Variants in CYTH3 observed in about 807,000 individuals in gnomAD.
CYTH3 encodes the protein cytohesin-3.
CYTH3 carries 23 observed loss-of-function variants against 55.1 expected under a neutral mutation model. That is an observed-to-expected ratio of 0.42 (90% CI 0.30 to 0.59). The LOEUF (loss-of-function observed/expected upper bound fraction) is 0.59. CYTH3 is among the 20% of genes least tolerant of loss of function. The probability of loss-of-function intolerance (pLI) is 0.20; values close to 1 mark genes in which losing one functional copy is unlikely to be tolerated. For missense variants in CYTH3, 413 were observed against 524.8 expected (o/e 0.79, Z 2.08); for synonymous variants, 249 against 194.9 (o/e 1.28, Z -2.31).
At chr7:6,268,494 G>A (rs962740944) in intron 1 of CYTH3, among the ~76,000 whole-genome samples, 1 of 152,118 alleles carries the variant, frequency 6.6e-6, no homozygotes, top group African/African-American at 2.4e-5. Context: ...AAGATATTTT[G>A]GAGATCTCTC....
intron 1 of CYTH3, among the ~76,000 whole-genome samples, chr7:6,206,589 C>T (rs781302590): frequency 1.3e-5 from 2 of 152,282 alleles, no homozygotes; most frequent in African/African-American, 4.8e-5. Flanking sequence ...GTTCTAGGTA[C>T]GCTCAACATT....
intron 1 of CYTH3, among the ~76,000 whole-genome samples, chr7:6,218,675 G>A (rs78044447): frequency 6.6e-6 from 1 of 152,138 alleles, no homozygotes; most frequent in African/African-American, 2.4e-5. Context: ...AGAAAGCCTA[G>A]ATTGCCTTAA....
intron 1 of CYTH3, among the ~76,000 whole-genome samples, chr7:6,216,131 G>A (rs1267063564): frequency 6.6e-6 from 1 of 152,188 alleles, no homozygotes; most frequent in Non-Finnish European, 1.5e-5. Flanking sequence ...GTAAAAATAT[G>A]TGTAAGTATA....
At chr7:6,173,209 A>T (rs765461481) in intron 6 of CYTH3, 1 of 292,716 alleles carries the variant, frequency 3.4e-6, no homozygotes, top group Non-Finnish European at 5.4e-6. Flanking sequence ...TCAAGGGGGC[A>T]TCCAGGGAGT....
chr7:6,256,355 G>C (rs1234505096), intron 1 of CYTH3, among the ~76,000 whole-genome samples: 1 of 152,220 alleles, frequency 6.6e-6, no homozygotes, highest in Non-Finnish European at 1.5e-5. Flanking sequence ...CAAACCTCAA[G>C]GGGGCTGAAA....
chr7:6,175,904 GTGGTTATT>G (rs1339584556), intron 5 of CYTH3, among the ~76,000 whole-genome samples: 7 of 152,076 alleles, frequency 4.6e-5, no homozygotes, highest in Non-Finnish European at 1.5e-5. Flanking sequence ...TTAGACTGCT[GTGGTTATT>G]TTGGGTCCCT....
chr7:6,241,729 G>T (rs1583189820), intron 1 of CYTH3, among the ~76,000 whole-genome samples: 1 of 152,066 alleles, frequency 6.6e-6, no homozygotes, highest in East Asian at 1.9e-4. Flanking sequence ...AAAGTGGTGG[G>T]GTTGCAGTGG....
At chr7:6,172,076 T>C (rs1237422762) in intron 6 of CYTH3, 1 of 152,674 alleles carries the variant, frequency 6.5e-6, no homozygotes, top group Non-Finnish European at 1.5e-5. Flanking sequence ...CCGCACCAGC[T>C]ATTCAGCAAC....
At chr7:6,203,260 T>C (rs1473453975) in intron 1 of CYTH3, among the ~76,000 whole-genome samples, 1 of 152,146 alleles carries the variant, frequency 6.6e-6, no homozygotes, top group Admixed American at 6.5e-5. Context: ...GGACATAATA[T>C]ACTTCACTGA....
intron 1 of CYTH3, among the ~76,000 whole-genome samples, chr7:6,272,157 G>A (rs986414095): frequency 7.2e-5 from 11 of 152,164 alleles, no homozygotes; most frequent in African/African-American, 2.7e-4. Context: ...CGCCCCGCAA[G>A]GTCCCCCGCC....
Position 6,250,899 on chromosome 7 carries a change from C to T in CYTH3, c.34+21575G>A, listed in dbSNP as rs531406715. On this transcript the variant is annotated intron_variant, in intron 1 of 12. Coordinates refer to ENST00000350796, the MANE Select transcript of CYTH3 (RefSeq NM_004227.4). Reference sequence around the variant, plus strand: ...AATACACTGAAGGTGCACAGTCCCTCGCTCCTGTAATATTTCACTGGATCA... The same window carrying T: ...AATACACTGAAGGTGCACAGTCCCTTGCTCCTGTAATATTTCACTGGATCA... 4.6e-5 allele frequency among the ~76,000 whole-genome samples: 7 copies of T among 152,348 alleles called. No homozygotes were observed. In the South Asian group the frequency reaches 1.2e-3, roughly 27 times the overall value.
intron 1 of CYTH3, among the ~76,000 whole-genome samples, chr7:6,258,790 A>G (rs1780201180): frequency 6.6e-6 from 1 of 152,232 alleles, no homozygotes; most frequent in South Asian, 2.1e-4. Context: ...AAACGAAAAA[A>G]TATTGTTTAA....
intron 1 of CYTH3, among the ~76,000 whole-genome samples, chr7:6,237,703 T>G (rs1779560395): frequency 6.6e-6 from 1 of 151,578 alleles, no homozygotes; most frequent in African/African-American, 2.4e-5. Context: ...AGCAAGACTC[T>G]ATCTAAAAAA....
intron 1 of CYTH3, among the ~76,000 whole-genome samples, chr7:6,248,087 A>G (rs1244891781): frequency 6.6e-6 from 1 of 151,796 alleles, no homozygotes; most frequent in African/African-American, 2.4e-5. Context: ...TTCAATCTGA[A>G]ATTTACTTCT....
At position 6,170,266 on chromosome 7, in the gene CYTH3, T is replaced by C; in HGVS notation, c.823+269A>G. The stretch of plus-strand genomic sequence containing the variant: ...TTCTCGTGCAGGAAGCTGCCCTGGC[T>C]GGATCTGGATGCTAACTCAGCAGTT... On this transcript the variant is annotated intron_variant, in intron 9 of 12. Coordinates refer to ENST00000350796, the MANE Select transcript of CYTH3 (RefSeq NM_004227.4). This position sits in a 1 kb window ranked among gnomAD's most constrained non-coding sequence, Gnocchi z 7.8. 3 of 473,732 alleles carry C rather than the reference T, an allele frequency of 6.3e-6. No homozygotes were observed. Among genetic ancestry groups the C allele is most frequent in the Non-Finnish European group, 1.1e-5 (3 of 267,552 alleles). The allele number at this position is 473,732 out of a possible 1,614,324, so 29.3% of individuals were successfully genotyped here. A position where few individuals can be genotyped will look rare whatever the true frequency, so the allele number is the denominator to read the frequency against.
Position 6,222,703 on chromosome 7 carries a change from C to T in CYTH3, c.35-32172G>A, listed in dbSNP as rs556691502. ...CAGAGGTTGCGGTGAGCTGAGATCGCGCCACTGCACTCCAGCCTGGGCAAC... is the reference window on the plus strand; with the variant it reads ...CAGAGGTTGCGGTGAGCTGAGATCGTGCCACTGCACTCCAGCCTGGGCAAC... On this transcript the variant is annotated intron_variant, in intron 1 of 12. Coordinates refer to ENST00000350796, the MANE Select transcript of CYTH3 (RefSeq NM_004227.4). Among the ~76,000 whole-genome samples, 274 of 149,876 alleles carry T rather than the reference C, an allele frequency of 1.8e-3. 5 individuals carry two copies. Among genetic ancestry groups the T allele is most frequent in the Non-Finnish European group, 7.1e-4 (48 of 67,570 alleles).
At chr7:6,249,752 TG>T (rs1384953648) in intron 1 of CYTH3, among the ~76,000 whole-genome samples, 1 of 152,202 alleles carries the variant, frequency 6.6e-6, no homozygotes, top group Non-Finnish European at 1.5e-5. Context: ...AACTAAAAAT[TG>T]GATATATTCA....
Position 6,187,754 on chromosome 7 carries a change from T to A in CYTH3, c.118-33A>T, listed in dbSNP as rs147739891. 1.7e-4 allele frequency: 273 copies of A among 1,590,234 alleles called. No individual in the cohort carries two copies. The African/African-American group carries it at 3.4e-3, about 20-fold the overall frequency. Reference sequence around the variant, plus strand: ...AAAAGAAGAATTTCGAGGTGGGGAGTGGGTCTTAACCTTCCTCCCCTGAGA... The same window carrying A: ...AAAAGAAGAATTTCGAGGTGGGGAGAGGGTCTTAACCTTCCTCCCCTGAGA... On this transcript the variant is annotated intron_variant, in intron 2 of 12. Coordinates refer to ENST00000350796, the MANE Select transcript of CYTH3 (RefSeq NM_004227.4).
At chr7:6,270,410 T>C in intron 1 of CYTH3, among the ~76,000 whole-genome samples, 1 of 152,254 alleles carries the variant, frequency 6.6e-6, no homozygotes, top group East Asian at 1.9e-4. Context: ...AAATCTTCAT[T>C]GTTGAATGTT....
Sources: allele counts gnomAD v4.1 joint callset (sites outside exome capture counted in the v4.1 genomes callset), GRCh38; gene constraint gnomAD v4.1.1; non-coding constraint Gnocchi (gnomAD v3.1); transcripts MANE v1.5; gene names NCBI Gene and HGNC (gene_info 2026-07-23, HGNC 2026-07-21).